ADGRB3: variants seen among roughly 807,000 people sequenced by gnomAD.
The protein encoded by ADGRB3 is adhesion G protein-coupled receptor B3.
A neutral mutation model predicts 193.4 loss-of-function variants in ADGRB3; 37 were observed. The ratio of observed to expected loss-of-function variants is 0.19; its 90% CI spans 0.15 to 0.25. The LOEUF (loss-of-function observed/expected upper bound fraction) is 0.25, where lower values mean the gene tolerates loss of function less well. Among genes scored for constraint, ADGRB3 ranks in the 10% least tolerant of loss-of-function variants. ADGRB3 has a pLI of 1.00. For synonymous variants in ADGRB3, 690 were observed against 644.2 expected (o/e 1.07, Z -1.08); for missense variants, 1,637 against 1,852.9 (o/e 0.88, Z 2.14).
chr6:68,872,539 T>G (rs1189981921), intron 3 of ADGRB3, among the ~76,000 whole-genome samples: 1 of 152,130 alleles, frequency 6.6e-6, no homozygotes, highest in African/African-American at 2.4e-5. Flanking sequence ...TCAATTCCCT[T>G]AAGTAATAGT....
chr6:69,151,905 T>C (rs747622499), intron 17 of ADGRB3, among the ~76,000 whole-genome samples: 3 of 152,182 alleles, frequency 2.0e-5, no homozygotes, highest in African/African-American at 4.8e-5. Flanking sequence ...CATGCTGTTC[T>C]TGTGATAGTG....
At chr6:69,374,543 T>C (rs1386825352) in intron 30 of ADGRB3, among the ~76,000 whole-genome samples, 6 of 152,090 alleles carry the variant, frequency 3.9e-5, no homozygotes, top group Non-Finnish European at 8.8e-5. Context: ...GTCCACACAC[T>C]ATGATAATAT....
At chr6:69,326,961 C>A (rs568991785) in intron 21 of ADGRB3, among the ~76,000 whole-genome samples, 1 of 151,984 alleles carries the variant, frequency 6.6e-6, no homozygotes, top group Non-Finnish European at 1.5e-5. Context: ...TAGTTCTTGT[C>A]ATTAAATCTC....
At chr6:69,132,070 A>G (rs1774027120) in intron 17 of ADGRB3, among the ~76,000 whole-genome samples, 1 of 152,176 alleles carries the variant, frequency 6.6e-6, no homozygotes. Flanking sequence ...TATTGTGAAC[A>G]GTGCTGCAAT....
At chr6:69,344,769 A>G (rs1769049223) in intron 26 of ADGRB3, among the ~76,000 whole-genome samples, 1 of 152,066 alleles carries the variant, frequency 6.6e-6, no homozygotes, top group Non-Finnish European at 1.5e-5. Flanking sequence ...AAGAGGAAGG[A>G]GGAGATGATA....
At chr6:69,272,387 A>G (rs1767199245) in intron 20 of ADGRB3, among the ~76,000 whole-genome samples, 1 of 152,224 alleles carries the variant, frequency 6.6e-6, no homozygotes, top group South Asian at 2.1e-4. Flanking sequence ...ATAATTCTGC[A>G]CAACAAAAGA....
chr6:69,271,486 A>G (rs1391201445), intron 20 of ADGRB3, among the ~76,000 whole-genome samples: 1 of 152,224 alleles, frequency 6.6e-6, no homozygotes, highest in African/African-American at 2.4e-5. Flanking sequence ...TAAAGTTTTT[A>G]AAATGCATTC....
At chr6:69,158,708 G>C (rs2150343793) in intron 17 of ADGRB3, among the ~76,000 whole-genome samples, 1 of 152,168 alleles carries the variant, frequency 6.6e-6, no homozygotes, top group African/African-American at 2.4e-5. Flanking sequence ...TACCATGACA[G>C]CTGTCTCTGA....
At position 68,981,011 on chromosome 6, in the gene ADGRB3, T is replaced by A. The variant is rs577858565; in HGVS notation, c.1734+5671T>A. 1.6e-3 allele frequency among the ~76,000 whole-genome samples: 237 copies of A among 151,674 alleles called. 7 individuals are homozygous for A. Among genetic ancestry groups the A allele is most frequent in the African/African-American group, 5.5e-3 (230 of 41,522 alleles). ...TTATTATTACTAATTATAACATTGA[T>A]TTTTGCATCCATATACATGTATTTC... On this transcript the variant is annotated intron_variant, in intron 10 of 31. Transcript: ENST00000370598.
chr6:68,926,221 A>G (rs1767176566), intron 3 of ADGRB3, among the ~76,000 whole-genome samples: 1 of 152,160 alleles, frequency 6.6e-6, no homozygotes, highest in Non-Finnish European at 1.5e-5. Context: ...TTTAAAATTC[A>G]TAAGTAAAAC....
chr6:69,003,930 A>G (rs552045539), intron 11 of ADGRB3, among the ~76,000 whole-genome samples: 10 of 152,314 alleles, frequency 6.6e-5, no homozygotes, highest in East Asian at 3.9e-4. Context: ...AGTGCAATGT[A>G]TCAGCTGGTA....
rs539775697 is a variant in ADGRB3, at chr6:69,199,421, A to G, written c.2481-33869A>G. Among the ~76,000 whole-genome samples the G allele has an allele frequency of 6.6e-4, 100 of 152,232 alleles. No individual in the cohort carries two copies. In the South Asian group the frequency reaches 7.0e-3, roughly 11 times the overall value. ...TAGTAGTAATAATCTGCATAATACC[A>G]TTATGAAAATTAAATGAGATAACTC... On this transcript the variant is annotated intron_variant, in intron 17 of 31. Coordinates refer to ENST00000370598, the MANE Select transcript of ADGRB3 (RefSeq NM_001704.3).
At chr6:69,255,203 A>C (rs1010475939) in intron 20 of ADGRB3, among the ~76,000 whole-genome samples, 27 of 152,300 alleles carry the variant, frequency 1.8e-4, no homozygotes, top group African/African-American at 2.4e-5. Context: ...CATGAGTTAG[A>C]GTCCTTTGGG....
intron 23 of ADGRB3, 83 bp downstream of exon 23, chr6:69,330,655 T>A: frequency 8.6e-7 from 1 of 1,163,718 alleles, no homozygotes; most frequent in Non-Finnish European, 1.2e-6. Context: ...GCAATTTTGA[T>A]AATGTAGTTC....
chr6:69,284,664 A>T (rs1207612453), intron 20 of ADGRB3, among the ~76,000 whole-genome samples: 1 of 122,096 alleles, frequency 8.2e-6, no homozygotes, highest in Non-Finnish European at 1.8e-5. Context: ...TATTTAACCT[A>T]AAAAAAACCT....
At chr6:68,993,389 T>C (rs1361266582) in intron 10 of ADGRB3, among the ~76,000 whole-genome samples, 1 of 152,154 alleles carries the variant, frequency 6.6e-6, no homozygotes, top group African/African-American at 2.4e-5. Context: ...TTTTGAAGTG[T>C]TTATAATCTC....
intron 6 of ADGRB3, among the ~76,000 whole-genome samples, chr6:68,947,097 G>T (rs1443904627): frequency 6.6e-6 from 1 of 152,112 alleles, no homozygotes; most frequent in Non-Finnish European, 1.5e-5. Flanking sequence ...AGAACAGGGG[G>T]CTGATACTAA....
At chr6:68,906,152 T>C (rs535950051) in intron 3 of ADGRB3, among the ~76,000 whole-genome samples, 1 of 152,090 alleles carries the variant, frequency 6.6e-6, no homozygotes, top group South Asian at 2.1e-4. Flanking sequence ...CATTAAAATA[T>C]TTTGGAAAAT....
intron 17 of ADGRB3, among the ~76,000 whole-genome samples, chr6:69,139,880 G>T (rs1383226329): frequency 6.6e-6 from 1 of 152,114 alleles, no homozygotes; most frequent in Non-Finnish European, 1.5e-5. Flanking sequence ...TTTCTATTTT[G>T]AAGGTAATTT....
Sources: allele counts gnomAD v4.1 joint callset (sites outside exome capture counted in the v4.1 genomes callset), GRCh38; gene constraint gnomAD v4.1.1; transcripts MANE v1.5; gene names NCBI Gene and HGNC (gene_info 2026-07-23, HGNC 2026-07-21).